The following PIP5K1C variants were observed in gnomAD, a reference collection of about 807,000 sequenced individuals.
PIP5K1C encodes the protein phosphatidylinositol 4-phosphate 5-kinase type-1 gamma.
A neutral mutation model predicts 80.1 loss-of-function variants in PIP5K1C; 45 were observed. The ratio of observed to expected loss-of-function variants is 0.56; its 90% CI spans 0.44 to 0.72. The LOEUF (loss-of-function observed/expected upper bound fraction) is 0.72. Among genes scored for constraint, PIP5K1C ranks in the 30% least tolerant of loss-of-function variants. The pLI, the probability that PIP5K1C is intolerant of heterozygous loss-of-function variation, is 0.00. For synonymous variants in PIP5K1C, 498 were observed against 420.1 expected (o/e 1.19, Z -2.27); for missense variants, 753 against 954.6 (o/e 0.79, Z 2.78).
chr19:3,691,871 G>A (rs1443435149), intron 1 of PIP5K1C, among the ~76,000 whole-genome samples: 13 of 152,308 alleles, frequency 8.5e-5, no homozygotes, highest in South Asian at 2.1e-4. Context: ...TGGGATGGCC[G>A]GGAGAGTGGG....
intron 1 of PIP5K1C, among the ~76,000 whole-genome samples, chr19:3,672,082 C>T (rs1438535019): frequency 6.6e-5 from 10 of 152,280 alleles, no homozygotes; most frequent in Admixed American, 2.6e-4. Flanking sequence ...CCCGGGCCTG[C>T]GGTGCACGGC....
rs534877563 is a variant in PIP5K1C at position 3,692,025 on chromosome 19, C to A, written c.94+8272G>T. Among the ~76,000 whole-genome samples the A allele has an allele frequency of 2.0e-5, 3 of 152,326 alleles. No homozygotes were observed. The East Asian group carries it at 5.8e-4, about 29-fold the overall frequency. On this transcript the variant is annotated intron_variant, in intron 1 of 17. Transcript: ENST00000335312. This position sits in a 1 kb window ranked among gnomAD's most constrained non-coding sequence, Gnocchi z 5.2. Reference sequence around the variant, plus strand: ...TGTCAGCGCATGCACCGTGGCCAGTCCAAGCACCGCACGGGAAGGGTGCAC... The same window carrying A: ...TGTCAGCGCATGCACCGTGGCCAGTACAAGCACCGCACGGGAAGGGTGCAC...
intron 4 of PIP5K1C, among the ~76,000 whole-genome samples, chr19:3,661,407 G>A (rs1319441465): frequency 6.6e-6 from 1 of 152,270 alleles, no homozygotes; most frequent in African/African-American, 2.4e-5. Context: ...GAGTGGAGCA[G>A]AAACACTGGT....
At position 3,692,929 on chromosome 19, in the gene PIP5K1C, ACCCCCTCACTT is replaced by A. The variant is rs1195698375; in HGVS notation, c.94+7357_94+7367del. 1.4e-5 allele frequency among the ~76,000 whole-genome samples: 2 copies of A among 145,322 alleles called. No individual in the cohort carries two copies. Among genetic ancestry groups the A allele is most frequent in the Non-Finnish European group, 3.0e-5 (2 of 65,896 alleles). On this transcript the variant is annotated intron_variant, in intron 1 of 17. Coordinates refer to ENST00000335312, the MANE Select transcript of PIP5K1C (RefSeq NM_012398.3). The surrounding 1 kb of genome is among the most constrained non-coding windows in gnomAD (Gnocchi z 5.2). ...AGACAGCTCCCTCCACACTTCCACA[ACCCCCTCACTT>A]CCCCTGGATCTCTGTTCAAGTGTGG...
At chr19:3,649,036 C>G (rs902432260) in intron 8 of PIP5K1C, among the ~76,000 whole-genome samples, 2 of 152,064 alleles carry the variant, frequency 1.3e-5, no homozygotes, top group Non-Finnish European at 2.9e-5. Flanking sequence ...CAGGTACAGA[C>G]TGGGGAGTTA....
At position 3,700,344 on chromosome 19, in the gene PIP5K1C, G is replaced by C. The variant is rs1404374619; in HGVS notation, c.47C>G (p.Ala16Gly). Residue 16 changes from alanine (A) to glycine (G), a missense_variant, in exon 1 of 18, where the codon GCC becomes GGC. Transcript: ENST00000335312. ...CGCCCACGCCGCCTCCGAGGGCACG[G>C]CCCCCGCCTCAGCGCTCTCCGCCTC... ...PDEAESAEAGAVPSEAAWAAE... is the reference protein window; with the variant it reads ...PDEAESAEAGGVPSEAAWAAE... 2 of 1,294,770 alleles carry C rather than the reference G, an allele frequency of 1.5e-6. No homozygotes were observed. The highest frequency in any genetic ancestry group is 1.6e-5 in the African/African-American group (1 of 63,660). The allele number at this position is 1,294,770 out of a possible 1,614,324, so 80.2% of individuals were successfully genotyped here.
At chr19:3,634,856 C>A (rs775614126) in intron 16 of PIP5K1C, among the ~76,000 whole-genome samples, 12 of 152,266 alleles carry the variant, frequency 7.9e-5, no homozygotes, top group Non-Finnish European at 1.2e-4. Context: ...CCGAGGGCAG[C>A]GCACTCCTGC....
rs1327630867 is a variant in PIP5K1C at position 3,688,416 on chromosome 19, G to A, written c.94+11881C>T. Among the ~76,000 whole-genome samples, 3 of 152,188 alleles carry A rather than the reference G, an allele frequency of 2.0e-5. No homozygotes were observed. Among genetic ancestry groups the A allele is most frequent in the African/African-American group, 7.2e-5 (3 of 41,456 alleles). On this transcript the variant is annotated intron_variant, in intron 1 of 17. Coordinates refer to ENST00000335312, the MANE Select transcript of PIP5K1C (RefSeq NM_012398.3). The surrounding 1 kb of genome is among the most constrained non-coding windows in gnomAD (Gnocchi z 5.3). ...CCTCTGGCCCCCTGCTGTGGGCGGG[G>A]AGGGATCTAGAAGACCGGAAGGCTA...
At chr19:3,661,829 T>C (rs1243360609) in intron 4 of PIP5K1C, 42 bp downstream of exon 4, 2 of 1,606,926 alleles carry the variant, frequency 1.2e-6, no homozygotes, top group South Asian at 2.2e-5. Flanking sequence ...CAGAGCCACG[T>C]GTGTGCTGGG....
chr19:3,659,073 C>A (rs1215564710), intron 5 of PIP5K1C, among the ~76,000 whole-genome samples: 4 of 152,178 alleles, frequency 2.6e-5, no homozygotes, highest in Admixed American at 6.5e-5. Context: ...CCTGGAGCTA[C>A]CCCCCTTACC....
intron 16 of PIP5K1C, among the ~76,000 whole-genome samples, chr19:3,636,214 G>C (rs1024090359): frequency 2.0e-5 from 3 of 152,140 alleles, no homozygotes; most frequent in African/African-American, 7.2e-5. Flanking sequence ...GCAGGAGTTG[G>C]GGGGACAGAG....
At chr19:3,652,123 G>C (rs947279286) in intron 7 of PIP5K1C, 92 bp from the exon 8 acceptor site, 2 of 1,210,916 alleles carry the variant, frequency 1.7e-6, no homozygotes, top group East Asian at 4.9e-5. Context: ...AGCACGGATG[G>C]CCCCGTGGGC....
At chr19:3,678,223 G>A (rs185863660) in intron 1 of PIP5K1C, among the ~76,000 whole-genome samples, 65 of 137,342 alleles carry the variant, frequency 4.7e-4, no homozygotes, top group African/African-American at 1.7e-3. Flanking sequence ...ATGGAGGGAC[G>A]GAGGGATGGA....
chr19:3,651,266 G>A (rs2034438369), intron 8 of PIP5K1C, among the ~76,000 whole-genome samples: 1 of 152,184 alleles, frequency 6.6e-6, no homozygotes, highest in Non-Finnish European at 1.5e-5. Flanking sequence ...ATGTTGCCCA[G>A]GCTGGTACTG....
intron 1 of PIP5K1C, among the ~76,000 whole-genome samples, chr19:3,691,275 T>G (rs1168040880): frequency 6.6e-6 from 1 of 152,146 alleles, no homozygotes; most frequent in Non-Finnish European, 1.5e-5. Context: ...GAGCGCCCGG[T>G]CTGGTACAGT....
In PIP5K1C at chr19:3,643,344, G is replaced by A. The variant is rs2145405526; in HGVS notation, c.1548C>T (p.Phe516=). ...CAATGGAGGCTGTAGTGGCTTCTTC[G>A]AAAGAAGGTGGCGTGCAGGGCAGGA... The part of the protein sequence containing the change: ...PDLLPCTPPS[F]EEATTASIAT... Residue 516 remains phenylalanine, a synonymous_variant, in exon 13 of 18, where the codon TTC becomes TTT. Transcript: ENST00000335312. The A allele has an allele frequency of 6.2e-7, 1 of 1,613,854 alleles. No individual in the cohort carries two copies. Among genetic ancestry groups the A allele is most frequent in the Non-Finnish European group, 8.5e-7 (1 of 1,179,950 alleles).
At chr19:3,678,641 GGGAGAGAT>G (rs1391132954) in intron 1 of PIP5K1C, among the ~76,000 whole-genome samples, 3 of 135,554 alleles carry the variant, frequency 2.2e-5, no homozygotes, top group South Asian at 5.1e-4. Flanking sequence ...GAAGGATGGA[GGGAGAGAT>G]GGAGAGATGG....
intron 1 of PIP5K1C, among the ~76,000 whole-genome samples, chr19:3,699,356 C>T (rs2145638971): frequency 6.9e-6 from 1 of 145,128 alleles, no homozygotes; most frequent in South Asian, 2.2e-4. Flanking sequence ...GACTTGATGA[C>T]TTCCACACTC....
chr19:3,637,037 G>A lies in PIP5K1C; in HGVS notation c.1920+1847C>T. The stretch of plus-strand genomic sequence containing the variant: ...AGGCCTCAGCGCCTCCATCTGTGAG[G>A]TGGGTGTGGAGAGACCATCTCCTCC... On this transcript the variant is annotated intron_variant, in intron 16 of 17. Transcript: ENST00000335312. The surrounding 1 kb of genome is among the most constrained non-coding windows in gnomAD (Gnocchi z 7.0). 1 of 1,074,608 alleles carries A rather than the reference G, an allele frequency of 9.3e-7. No homozygotes were observed. The highest frequency in any genetic ancestry group is 1.1e-6 in the Non-Finnish European group (1 of 885,236). 66.6% of individuals were successfully genotyped at this position (1,074,608 alleles called of 1,614,324 possible).
Sources: gnomAD v4.1 joint callset for allele counts (sites outside exome capture counted in the v4.1 genomes callset) on GRCh38, gnomAD v4.1.1 for gene constraint, Gnocchi (gnomAD v3.1) non-coding constraint, MANE v1.5 for transcripts, NCBI Gene and HGNC (gene_info 2026-07-23, HGNC 2026-07-21) for gene names.